The following DCP1A variants were observed in gnomAD, a reference collection of about 807,000 sequenced individuals.
DCP1A encodes the protein decapping mRNA 1A, also known as mRNA-decapping enzyme 1A.
Under a neutral mutation model 58.0 loss-of-function variants are expected in DCP1A, and 20 were observed. The observed-to-expected ratio is 0.34, with a 90% confidence interval of 0.24 to 0.50. The LOEUF (loss-of-function observed/expected upper bound fraction) is 0.50. DCP1A is among the 20% of genes least tolerant of loss of function. The probability of loss-of-function intolerance (pLI) is 0.98; values close to 1 mark genes in which losing one functional copy is unlikely to be tolerated. For synonymous variants in DCP1A, 285 were observed against 275.1 expected (o/e 1.04, Z -0.36); for missense variants, 613 against 712.2 (o/e 0.86, Z 1.59).
chr3:53,319,745 C>T (rs1030758850), intron 3 of DCP1A, among the ~76,000 whole-genome samples: 1 of 152,172 alleles, frequency 6.6e-6, no homozygotes, highest in Non-Finnish European at 1.5e-5. Context: ...GTGTAAGATG[C>T]AACCATTATT....
chr3:53,300,117 C>T (rs868952589), intron 6 of DCP1A, among the ~76,000 whole-genome samples: 1 of 152,054 alleles, frequency 6.6e-6, no homozygotes, highest in Non-Finnish European at 1.5e-5. Flanking sequence ...CTGCCTGTCT[C>T]GGCCTCCCAA....
chr3:53,339,657 G>A (rs1266325560), intron 3 of DCP1A, among the ~76,000 whole-genome samples: 2 of 152,050 alleles, frequency 1.3e-5, no homozygotes, highest in African/African-American at 4.8e-5. Context: ...GTTAGCTTCT[G>A]GTTACTCATG....
In DCP1A at chr3:53,312,331, T is replaced by C. The variant is rs782719084; in HGVS notation, c.420A>G (p.Lys140=). The C allele has an allele frequency of 6.2e-7, 1 of 1,613,392 alleles. No individual in the cohort carries two copies. Among genetic ancestry groups the C allele is most frequent in the Non-Finnish European group, 8.5e-7 (1 of 1,179,684 alleles). ...AGCCATTGGCCTGGCTGGGACTCTG[T>C]TTGTCCCGAGCAGCTTGCTGGGATC... ...TRRSQQAARD[K]QSPSQANGCS... Residue 140 remains lysine (K), a synonymous_variant, in exon 5 of 10, where the codon AAA becomes AAG. Transcript: ENST00000610213.
At chr3:53,299,714 C>T (rs1707250543) in intron 6 of DCP1A, among the ~76,000 whole-genome samples, 1 of 152,222 alleles carries the variant, frequency 6.6e-6, no homozygotes, top group African/African-American at 2.4e-5. Flanking sequence ...AGTACTTGCT[C>T]CTCAGCACTA....
chr3:53,288,037 T>C, intron 9 of DCP1A, 28 bp downstream of exon 9: 1 of 1,559,110 alleles, frequency 6.4e-7, no homozygotes, highest in Non-Finnish European at 8.8e-7. Context: ...TAATGAAAAA[T>C]CAAAGATAAA....
chr3:53,336,609 C>G (rs2089119999), intron 3 of DCP1A, among the ~76,000 whole-genome samples: 1 of 152,096 alleles, frequency 6.6e-6, no homozygotes, highest in Non-Finnish European at 1.5e-5. Context: ...TGAGACATGC[C>G]TGATATTCCT....
At chr3:53,313,252 C>T (rs1463807956) in intron 4 of DCP1A, among the ~76,000 whole-genome samples, 1 of 152,122 alleles carries the variant, frequency 6.6e-6, no homozygotes, top group Non-Finnish European at 1.5e-5. Context: ...AACCCCGTCT[C>T]TACAAAAAAT....
At chr3:53,289,062 G>A (rs1375071025) in intron 8 of DCP1A, among the ~76,000 whole-genome samples, 15 of 151,500 alleles carry the variant, frequency 9.9e-5, no homozygotes, top group African/African-American at 3.6e-4. Flanking sequence ...CCAGGTGGGA[G>A]TGCAGTGGTG....
chr3:53,312,485 T>C, intron 4 of DCP1A, 106 bp from the exon 5 acceptor site: 1 of 994,848 alleles, frequency 1.0e-6, no homozygotes, highest in Non-Finnish European at 1.4e-6. Flanking sequence ...TGTCACATGA[T>C]GACATTCTTC....
chr3:53,333,870 G>C (rs1324914088), intron 3 of DCP1A, among the ~76,000 whole-genome samples: 3 of 152,120 alleles, frequency 2.0e-5, no homozygotes, highest in African/African-American at 4.8e-5. Flanking sequence ...GACTCACACA[G>C]AGACACCAGC....
intron 6 of DCP1A, among the ~76,000 whole-genome samples, chr3:53,293,532 C>G (rs782125785): frequency 4.6e-5 from 7 of 152,100 alleles, no homozygotes; most frequent in Non-Finnish European, 1.0e-4. Flanking sequence ...CGCGATGCAG[C>G]AAGGGAGTAA....
chr3:53,303,502 G>C (rs1414511789), intron 6 of DCP1A, among the ~76,000 whole-genome samples: 1 of 152,190 alleles, frequency 6.6e-6, no homozygotes, highest in East Asian at 1.9e-4. Context: ...CTGGGCTCAA[G>C]CGATCTGCCT....
chr3:53,347,068 T>A (rs929740050), intron 1 of DCP1A, among the ~76,000 whole-genome samples: 2 of 152,176 alleles, frequency 1.3e-5, no homozygotes, highest in Admixed American at 6.5e-5. Flanking sequence ...ACCGGTCTTA[T>A]AACTCCCAAT....
intron 4 of DCP1A, among the ~76,000 whole-genome samples, chr3:53,312,619 C>T (rs965455113): frequency 3.3e-5 from 5 of 151,570 alleles, no homozygotes; most frequent in Non-Finnish European, 4.4e-5. Context: ...CCTCAGCCTC[C>T]GGAGTAGCTG....
At chr3:53,309,945 G>A (rs770650221) in intron 5 of DCP1A, among the ~76,000 whole-genome samples, 1 of 152,082 alleles carries the variant, frequency 6.6e-6, no homozygotes, top group Non-Finnish European at 1.5e-5. Context: ...ATAAACAAAG[G>A]GGCCGTCTGA....
intron 4 of DCP1A, among the ~76,000 whole-genome samples, chr3:53,315,757 G>GTTTTTTTTTTT (rs1359300693): frequency 9.1e-6 from 1 of 109,848 alleles, no homozygotes. Flanking sequence ...TTTTTTTTTT[G>GTTTTTTTTTTT]TTTTTTTTTT....
In DCP1A at chr3:53,335,137, T is replaced by A. The variant is rs562814873; in HGVS notation, c.304+7007A>T. 1.3e-3 allele frequency among the ~76,000 whole-genome samples: 190 copies of A among 151,088 alleles called. 3 individuals carry two copies. Among genetic ancestry groups the A allele is most frequent in the African/African-American group, 4.0e-3 (164 of 41,128 alleles). On this transcript the variant is annotated intron_variant, in intron 3 of 9. Transcript: ENST00000610213. ...CATGTGTATATATATATATTTTTTT[T>A]ATTTTTATTTATTTATTTTTTGAGA...
At chr3:53,310,036 T>C (rs938613205) in intron 5 of DCP1A, among the ~76,000 whole-genome samples, 3 of 152,208 alleles carry the variant, frequency 2.0e-5, no homozygotes, top group Admixed American at 2.0e-4. Context: ...CAGCTCCATC[T>C]GATGAGATGA....
rs373828434 is a variant in DCP1A, at chr3:53,292,106, G to A, written c.1346C>T (p.Ser449Leu). Residue 449 changes from serine to leucine, a missense_variant, in exon 7 of 10, where the codon TCA becomes TTA. By Grantham distance (145) the Ser-to-Leu change is moderately radical. Around this residue, in one of 3 missense-constraint regions of DCP1A, gnomAD observed 498 missense variants for 556.7 expected, o/e 0.89. Coordinates refer to ENST00000610213, the MANE Select transcript of DCP1A (RefSeq NM_018403.7). ...SKTAAARVAA[S>L]ASLSNMVLAP... ...AAGCACCATGTTGCTCAGGGAGGCT[G>A]AGGCCGCCACTCTTGCTGCTGCTGT... is the stretch of plus-strand genomic sequence containing the variant. The A allele has an allele frequency of 4.6e-5, 74 of 1,613,414 alleles. No individual in the cohort carries two copies. Among genetic ancestry groups the A allele is most frequent in the Non-Finnish European group, 6.2e-5 (73 of 1,179,788 alleles).
Sources: allele counts gnomAD v4.1 joint callset (sites outside exome capture counted in the v4.1 genomes callset), GRCh38; gene constraint gnomAD v4.1.1; regional missense constraint gnomAD v4.1.1; transcripts MANE v1.5; gene names NCBI Gene and HGNC (gene_info 2026-07-23, HGNC 2026-07-21).